PCDHA6: variants seen among roughly 807,000 people sequenced by gnomAD.
The protein encoded by PCDHA6 is protocadherin alpha-6.
PCDHA6 carries 55 observed loss-of-function variants against 60.3 expected under a neutral mutation model. The observed-to-expected ratio is 0.91, with a 90% CI of 0.73 to 1.14. PCDHA6 has a LOEUF of 1.14. Ranked by LOEUF, PCDHA6 falls within the 50% of genes most tolerant of loss-of-function variation. The pLI is 0.00. For missense variants in PCDHA6, 1,327 were observed against 1,256.5 expected (o/e 1.06, Z -0.85); for synonymous variants, 652 against 557.9 (o/e 1.17, Z -2.38).
At chr5:140,856,346 G>T in intron 1 of PCDHA6, 1 of 1,598,632 alleles carries the variant, frequency 6.3e-7, no homozygotes, top group Non-Finnish European at 8.6e-7. Context: ...GCGGAGCGTG[G>T]AGTGCAGCAT....
intron 1 of PCDHA6, among the ~76,000 whole-genome samples, chr5:140,911,657 ACTC>A (rs782570659): frequency 1.1e-4 from 16 of 151,986 alleles, no homozygotes; most frequent in Non-Finnish European, 1.6e-4. Flanking sequence ...GAGTTACTAA[ACTC>A]CTTGCCTCTC....
chr5:140,905,304 C>T (rs1373391378), intron 1 of PCDHA6, among the ~76,000 whole-genome samples: 1 of 152,150 alleles, frequency 6.6e-6, no homozygotes, highest in Non-Finnish European at 1.5e-5. Flanking sequence ...GTCCTTTCCA[C>T]ACTTTGTGTT....
chr5:140,838,659 G>T (rs2150291095), intron 1 of PCDHA6, among the ~76,000 whole-genome samples: 1 of 152,070 alleles, frequency 6.6e-6, no homozygotes, highest in South Asian at 2.1e-4. Context: ...TAGTTAACGG[G>T]GCATGGTGGC....
intron 1 of PCDHA6, chr5:140,871,488 C>T (rs370808040): frequency 3.4e-5 from 54 of 1,591,050 alleles, no homozygotes; most frequent in Non-Finnish European, 4.5e-5. Flanking sequence ...CAAATCACCC[C>T]GGACAGGTGA....
rs2150236646 is a variant in PCDHA6 at position 140,835,485 on chromosome 5, G to T, written c.2394+5000G>T. On this transcript the variant is annotated intron_variant, in intron 1 of 3. Transcript: ENST00000529310. ...TCCAGAGGACGCCCAACCAGGTACC[G>T]TCATCACATTGATTAGCGTGTTTGA... The T allele has an allele frequency of 3.8e-5, 62 of 1,613,778 alleles. 1 individual carries two copies. Among genetic ancestry groups the T allele is most frequent in the South Asian group, 9.9e-5 (9 of 91,074 alleles).
chr5:140,863,525 C>A, intron 1 of PCDHA6: 1 of 394,654 alleles, frequency 2.5e-6, no homozygotes, highest in South Asian at 2.0e-5. Context: ...TCCCATGGTT[C>A]AGATTTTGGA....
At chr5:140,848,601 CCG>C (rs2040496179) in intron 1 of PCDHA6, 1 of 1,593,502 alleles carries the variant, frequency 6.3e-7, no homozygotes, top group Non-Finnish European at 8.6e-7. Flanking sequence ...CTACTCCGTC[CCG>C]GAGGAAGCCG....
intron 1 of PCDHA6, chr5:140,877,927 A>G: frequency 7.1e-7 from 1 of 1,416,192 alleles, no homozygotes; most frequent in South Asian, 1.6e-5. Flanking sequence ...TTTCTTTATG[A>G]TTCTATCCTT....
chr5:140,922,643 C>T (rs1554200906), intron 1 of PCDHA6, among the ~76,000 whole-genome samples: 3 of 152,192 alleles, frequency 2.0e-5, no homozygotes, highest in African/African-American at 7.2e-5. Flanking sequence ...CTCCATCAAA[C>T]AGTAAATATG....
chr5:140,980,635 A>AT (rs1224584187), intron 2 of PCDHA6, among the ~76,000 whole-genome samples: 1 of 152,232 alleles, frequency 6.6e-6, no homozygotes, highest in Non-Finnish European at 1.5e-5. Context: ...TCTCAGAAGA[A>AT]TAAATAAATG....
chr5:140,920,282 T>C (rs1554199556), intron 1 of PCDHA6, among the ~76,000 whole-genome samples: 1 of 152,218 alleles, frequency 6.6e-6, no homozygotes, highest in African/African-American at 2.4e-5. Context: ...TAATCTTATA[T>C]TTTTTAGAGG....
chr5:140,963,873 C>A (rs757553114), intron 1 of PCDHA6, among the ~76,000 whole-genome samples: 5 of 152,188 alleles, frequency 3.3e-5, no homozygotes, highest in Non-Finnish European at 5.9e-5. Flanking sequence ...GTTTTGCTTA[C>A]TATTGTTTTC....
chr5:140,982,634 T>C, intron 3 of PCDHA6, 71 bp downstream of exon 3: 1 of 1,555,420 alleles, frequency 6.4e-7, no homozygotes, highest in Non-Finnish European at 8.7e-7. Flanking sequence ...TTTTGTAAGA[T>C]CAGGAATGTT....
At chr5:140,937,332 C>A (rs1003482242) in intron 1 of PCDHA6, among the ~76,000 whole-genome samples, 1 of 152,094 alleles carries the variant, frequency 6.6e-6, no homozygotes, top group Non-Finnish European at 1.5e-5. Flanking sequence ...CCACCGCGCC[C>A]GGCTTCTTCC....
In PCDHA6 at chr5:141,000,421, A is replaced by ATTTTT. The variant is rs34755515; in HGVS notation, c.2543-9187_2543-9183dup. Among the ~76,000 whole-genome samples, 110 of 27,976 alleles carry ATTTTT rather than the reference A, an allele frequency of 3.9e-3. 3 individuals carry two copies. Among genetic ancestry groups the ATTTTT allele is most frequent in the Non-Finnish European group, 5.0e-3 (89 of 17,656 alleles). The allele number at this position is 27,976 out of a possible 152,430, so 18.4% of individuals were successfully genotyped here. ...TATATATATATATATATATATATATATTTTTTTTTTTTTTTTTTTTTTTGA... is the reference window on the plus strand; with the variant it reads ...TATATATATATATATATATATATATATTTTTTTTTTTTTTTTTTTTTTTTTTTTGA... On this transcript the variant is annotated intron_variant, in intron 3 of 3. Coordinates refer to ENST00000529310, the MANE Select transcript of PCDHA6 (RefSeq NM_018909.4).
At chr5:140,830,527 A>C in intron 1 of PCDHA6, 42 bp downstream of exon 1, 1 of 1,307,954 alleles carries the variant, frequency 7.6e-7, no homozygotes, top group Non-Finnish European at 1.0e-6. Context: ...TTTATTTTAA[A>C]TTTATAATTG....
rs369053351 is a variant in PCDHA6, at chr5:140,982,539, C to A, written c.2518C>A (p.Pro840Thr). ...AGPGGPDQQW[P>T]TVSSATPEPE... The stretch of plus-strand genomic sequence containing the variant: ...TCCAGGAGGGCCTGATCAGCAGTGG[C>A]CAACAGTATCCAGTGCAACACCAGG... Residue 840 changes from proline (P) to threonine (T), a missense_variant, in exon 3 of 4, where the codon CCA (proline) becomes ACA (threonine). By Grantham distance (38) the Pro-to-Thr change is conservative. Coordinates refer to ENST00000529310, the MANE Select transcript of PCDHA6 (RefSeq NM_018909.4). 29 of 1,614,008 alleles carry A rather than the reference C, an allele frequency of 1.8e-5. No individual in the cohort carries two copies. The highest frequency in any genetic ancestry group is 2.2e-5 in the Non-Finnish European group (26 of 1,180,032).
chr5:140,995,511 A>G (rs561169284), intron 3 of PCDHA6, among the ~76,000 whole-genome samples: 1 of 152,342 alleles, frequency 6.6e-6, no homozygotes, highest in Admixed American at 6.5e-5. Flanking sequence ...TGGGTAACTG[A>G]AGCCTCAGAA....
Position 140,849,058 on chromosome 5 carries a change from A to T in PCDHA6, c.2394+18573A>T, listed in dbSNP as rs1222593356. 1.9e-6 allele frequency: 3 copies of T among 1,550,796 alleles called. No homozygotes were observed. In the African/African-American group the frequency reaches 4.5e-5, roughly 23 times the overall value. ...CTGGACGTGCCAACCAGCAACCAGC[A>T]GGTAAAACCTCTTGGACTTGTATTA... On this transcript the variant is annotated intron_variant, in intron 1 of 3. Coordinates refer to ENST00000529310, the MANE Select transcript of PCDHA6 (RefSeq NM_018909.4).
Sources: gnomAD v4.1 joint callset for allele counts (sites outside exome capture counted in the v4.1 genomes callset) on GRCh38, gnomAD v4.1.1 for gene constraint, MANE v1.5 for transcripts, NCBI Gene and HGNC (gene_info 2026-07-23, HGNC 2026-07-21) for gene names.